Variants in ZBTB43 observed in about 807,000 individuals in gnomAD.
ZBTB43 encodes zinc finger and BTB domain-containing protein 43.
Under a neutral mutation model 31.1 loss-of-function variants are expected in ZBTB43, and 6 were observed. That is an observed-to-expected ratio of 0.19 (90% confidence interval 0.11 to 0.38). ZBTB43 has a LOEUF of 0.38. Ranked by LOEUF, ZBTB43 falls within the 10% of genes least tolerant of loss-of-function variation. The probability of loss-of-function intolerance (pLI) is 1.00; values close to 1 mark genes in which losing one functional copy is unlikely to be tolerated. For missense variants in ZBTB43, 379 were observed against 602.1 expected, an observed-to-expected ratio of 0.63 and a Z score of 3.88; for synonymous variants, 212 against 221.7, an observed-to-expected ratio of 0.96 and a Z score of 0.39.
chr9:126,813,813 A>G (rs2032302889), intron 2 of ZBTB43, among the ~76,000 whole-genome samples: 1 of 151,972 alleles, frequency 6.6e-6, no homozygotes, highest in Admixed American at 6.6e-5. Flanking sequence ...AAATTTATGA[A>G]TTTTCTCCTA....
intron 2 of ZBTB43, among the ~76,000 whole-genome samples, chr9:126,828,647 TAATA>T (rs1296818803): frequency 5.6e-5 from 8 of 142,292 alleles, no homozygotes; most frequent in Non-Finnish European, 1.2e-4. Context: ...ATAATAATAA[TAATA>T]ATAATTATTA....
chr9:126,835,987 A>G lies in ZBTB43; in HGVS notation c.*2074A>G, dbSNP rs1006691545. On this transcript the variant is annotated 3_prime_UTR_variant, in exon 3 of 3. Coordinates refer to ENST00000373464, the MANE Select transcript of ZBTB43 (RefSeq NM_014007.4). ...TATTACTCCTACTAATTTCAGTACT[A>G]AGGTGGTGATGCCATTTTGTTCTGC... The G allele has an allele frequency of 1.2e-5, 2 of 167,078 alleles. No individual in the cohort carries two copies. The highest frequency in any genetic ancestry group is 4.8e-5 in the African/African-American group (2 of 41,448). The allele number at this position is 167,078 out of a possible 1,614,324, so 10.3% of individuals were successfully genotyped here. A position where few individuals can be genotyped will look rare whatever the true frequency, so the allele number is the denominator to read the frequency against.
chr9:126,807,279 T>G (rs1338027584), intron 1 of ZBTB43, among the ~76,000 whole-genome samples: 1 of 152,258 alleles, frequency 6.6e-6, no homozygotes, highest in Non-Finnish European at 1.5e-5. Context: ...ACTTTTAGAC[T>G]TAGACACTAA....
chr9:126,814,911 T>G (rs1358338971), intron 2 of ZBTB43, among the ~76,000 whole-genome samples: 1 of 150,594 alleles, frequency 6.6e-6, no homozygotes. Context: ...CATTTCAGTA[T>G]TTTAAAATGG....
At chr9:126,824,903 T>C (rs2032598553) in intron 2 of ZBTB43, among the ~76,000 whole-genome samples, 1 of 152,214 alleles carries the variant, frequency 6.6e-6, no homozygotes. Flanking sequence ...ATATGTATGA[T>C]GGTGTCCCAC....
intron 2 of ZBTB43, among the ~76,000 whole-genome samples, chr9:126,817,850 T>C (rs1026959107): frequency 6.6e-6 from 1 of 152,100 alleles, no homozygotes; most frequent in Admixed American, 6.5e-5. Context: ...AGCTATACTC[T>C]CAGTATAGGT....
At chr9:126,807,096 C>T (rs531500428) in intron 1 of ZBTB43, among the ~76,000 whole-genome samples, 1 of 151,942 alleles carries the variant, frequency 6.6e-6, no homozygotes, top group Non-Finnish European at 1.5e-5. Flanking sequence ...TGTCTATTTG[C>T]CTTTAAGGTA....
chr9:126,807,867 T>C (rs913732491), intron 1 of ZBTB43, among the ~76,000 whole-genome samples: 6 of 152,070 alleles, frequency 3.9e-5, no homozygotes, highest in Non-Finnish European at 7.4e-5. Context: ...AACTCCTGAC[T>C]TCAAATGATC....
chr9:126,819,584 TCTTTC>T (rs1348430325), intron 2 of ZBTB43, among the ~76,000 whole-genome samples: 1 of 151,804 alleles, frequency 6.6e-6, no homozygotes, highest in African/African-American at 2.4e-5. Flanking sequence ...CATTCCCCCA[TCTTTC>T]CCCCTCTGTT....
rs528168076 is a variant in ZBTB43 at position 126,810,124 on chromosome 9, C to T, written c.-24+1209C>T. On this transcript the variant is annotated intron_variant, in intron 2 of 2. Coordinates refer to ENST00000373464, the MANE Select transcript of ZBTB43 (RefSeq NM_014007.4). ...TGCTGGGATTACAGACGTGAGCCAC[C>T]GCGCCCGGCCCACTAACTGCTGGTA... Among the ~76,000 whole-genome samples the T allele has an allele frequency of 3.9e-3, 594 of 151,354 alleles. 5 individuals carry two copies. The highest frequency in any genetic ancestry group is 0.014 in the African/African-American group (560 of 41,262).
chr9:126,834,859 A>G lies in ZBTB43; in HGVS notation c.*946A>G, dbSNP rs1238257786. ...TTTACAAAGAGAGTGGTCCATGACC[A>G]CACTTAGTGAGAAGGAGCCACAAGT... is the stretch of plus-strand genomic sequence containing the variant. On this transcript the variant is annotated 3_prime_UTR_variant, in exon 3 of 3. Coordinates refer to ENST00000373464, the MANE Select transcript of ZBTB43 (RefSeq NM_014007.4). 6.0e-6 allele frequency: 1 copy of G among 167,054 alleles called. No homozygotes were observed. Among genetic ancestry groups the G allele is most frequent in the African/African-American group, 2.4e-5 (1 of 41,436 alleles). The allele number at this position is 167,054 out of a possible 1,614,324, so 10.3% of individuals were successfully genotyped here. A position where few individuals can be genotyped will look rare whatever the true frequency, so the allele number is the denominator to read the frequency against.
intron 2 of ZBTB43, among the ~76,000 whole-genome samples, chr9:126,815,182 T>TG: frequency 6.7e-6 from 1 of 149,586 alleles, no homozygotes; most frequent in East Asian, 1.9e-4. Flanking sequence ...TATGTGTGTA[T>TG]TGTTTATATA....
chr9:126,833,887 G>T lies in ZBTB43; in HGVS notation c.1378G>T (p.Glu460Ter), dbSNP rs973993831. The part of the protein sequence containing the change: ...CTKSYEAAKA[E>*]QNTTEAN ...TAAGTCCTACGAAGCTGCAAAGGCT[G>T]AGCAGAATACAACTGAGGCTAACTA... Residue 460 changes from glutamate to a stop codon, truncating the protein, a stop_gained, in exon 3 of 3, where the codon GAG (glutamate) becomes TAG (stop). Coordinates refer to ENST00000373464, the MANE Select transcript of ZBTB43 (RefSeq NM_014007.4). LOFTEE classifies it high-confidence loss of function. This position sits in a 1 kb window ranked among gnomAD's most constrained non-coding sequence, Gnocchi z 7.9. The T allele has an allele frequency of 1.9e-6, 3 of 1,588,546 alleles. No homozygotes were observed. In the African/African-American group the frequency reaches 4.0e-5, roughly 21 times the overall value.
At chr9:126,824,820 T>C (rs1272929226) in intron 2 of ZBTB43, among the ~76,000 whole-genome samples, 2 of 151,852 alleles carry the variant, frequency 1.3e-5, no homozygotes, top group African/African-American at 2.4e-5. Flanking sequence ...TTTTTAGAAG[T>C]GTTTGACCAT....
chr9:126,827,318 A>G, intron 2 of ZBTB43, among the ~76,000 whole-genome samples: 1 of 152,194 alleles, frequency 6.6e-6, no homozygotes, highest in East Asian at 1.9e-4. Context: ...AACAAAGCTG[A>G]GCGGGTTTGC....
intron 2 of ZBTB43, among the ~76,000 whole-genome samples, chr9:126,816,222 T>G (rs368179680): frequency 3.3e-5 from 5 of 152,234 alleles, no homozygotes; most frequent in African/African-American, 1.2e-4. Flanking sequence ...TCTCTCTCGC[T>G]GTTTTCACTT....
At chr9:126,829,221 CAGA>C (rs1477305559) in intron 2 of ZBTB43, among the ~76,000 whole-genome samples, 3 of 152,148 alleles carry the variant, frequency 2.0e-5, no homozygotes, top group African/African-American at 4.8e-5. Context: ...GAGGCTGAGG[CAGA>C]AGGATTGCTT....
chr9:126,827,510 C>T (rs944970813), intron 2 of ZBTB43, among the ~76,000 whole-genome samples: 2 of 152,176 alleles, frequency 1.3e-5, no homozygotes, highest in African/African-American at 4.8e-5. Context: ...CAGCCTCCCT[C>T]CATCCAGCAC....
At chr9:126,809,674 A>G (rs993972560) in intron 2 of ZBTB43, among the ~76,000 whole-genome samples, 3 of 152,212 alleles carry the variant, frequency 2.0e-5, no homozygotes, top group Non-Finnish European at 4.4e-5. Flanking sequence ...AAGGTCATCT[A>G]GTTCAGGATT....
Sources: gnomAD v4.1 joint callset for allele counts (sites outside exome capture counted in the v4.1 genomes callset) on GRCh38, gnomAD v4.1.1 for gene constraint, Gnocchi (gnomAD v3.1) non-coding constraint, MANE v1.5 for transcripts, NCBI Gene and HGNC (gene_info 2026-07-23, HGNC 2026-07-21) for gene names.